PRKAB1: variants seen among roughly 807,000 people sequenced by gnomAD.
The protein encoded by PRKAB1 is protein kinase AMP-activated non-catalytic subunit beta 1.
PRKAB1 carries 18 observed loss-of-function variants against 32.0 expected under a neutral mutation model. That is an observed-to-expected ratio of 0.56 (90% confidence interval 0.39 to 0.83). PRKAB1 has a LOEUF of 0.83. Ranked by LOEUF, PRKAB1 falls within the 40% of genes least tolerant of loss-of-function variation. The probability of loss-of-function intolerance (pLI) is 0.00; values close to 1 mark genes in which losing one functional copy is unlikely to be tolerated. For synonymous variants in PRKAB1, 141 were observed against 141.4 expected (o/e 1.00, Z 0.02); for missense variants, 263 against 352.6 (o/e 0.75, Z 2.03).
intron 1 of PRKAB1, among the ~76,000 whole-genome samples, chr12:119,670,137 C>T (rs1955376745): frequency 6.6e-6 from 1 of 152,200 alleles, no homozygotes; most frequent in Admixed American, 6.5e-5. Context: ...GTGGATATTT[C>T]CAGCCGCAGG....
chr12:119,677,107 G>A (rs1484296892), intron 5 of PRKAB1, among the ~76,000 whole-genome samples: 3 of 152,220 alleles, frequency 2.0e-5, no homozygotes, highest in Non-Finnish European at 2.9e-5. Flanking sequence ...ATTATTACAT[G>A]CAGAAAAGAA....
chr12:119,676,561 C>T lies in PRKAB1; in HGVS notation c.557C>T (p.Pro186Leu). ...VSELSSSPPG[P>L]YHQEPYVCKP... ...GAGCTGTCCAGTTCTCCCCCAGGAC[C>T]CTACCATCAGGAGCCCTACGTCTGC... Residue 186 changes from proline to leucine, a missense_variant, in exon 5 of 7, where the codon CCC becomes CTC. Pro to Leu is a moderately conservative substitution (Grantham distance 98). Transcript: ENST00000229328. 6.2e-7 allele frequency: 1 copy of T among 1,613,568 alleles called. No individual in the cohort carries two copies. The highest frequency in any genetic ancestry group is 8.5e-7 in the Non-Finnish European group (1 of 1,179,604).
In PRKAB1 at chr12:119,668,267, G is replaced by T; in HGVS notation, c.23G>T (p.Arg8Leu). 1 of 1,606,728 alleles carries T rather than the reference G, an allele frequency of 6.2e-7. No individual in the cohort carries two copies. The highest frequency in any genetic ancestry group is 8.5e-7 in the Non-Finnish European group (1 of 1,177,434). ...ATCATGGGCAATACCAGCAGTGAGC[G>T]CGCCGCGCTGGAGCGGCATGGTGGC... MGNTSSE[R>L]AALERHGGHK... is the part of the protein sequence containing the mutation. The change falls in exon 1 of 7, where the codon CGC becomes CTC. Residue 8 changes from arginine (R) to leucine (L), a missense_variant. Transcript: ENST00000229328.
rs1000823190 is a variant in PRKAB1 at position 119,681,204 on chromosome 12, T to TA, written c.*883dup. The TA allele has an allele frequency of 5.9e-5, 9 of 152,260 alleles. No homozygotes were observed. Among genetic ancestry groups the TA allele is most frequent in the Non-Finnish European group, 1.3e-4 (9 of 68,040 alleles). The allele number at this position is 152,260 out of a possible 1,614,324, so 9.4% of individuals were successfully genotyped here. A position where few individuals can be genotyped will look rare whatever the true frequency, so the allele number is the denominator to read the frequency against. On this transcript the variant is annotated 3_prime_UTR_variant, in exon 7 of 7. Transcript: ENST00000229328. ...GAGAGGCACTCTGCCCTCTTCCCTA[T>TA]AAAATCACACAGCGTGATTTTACAA...
At chr12:119,671,632 C>T (rs1431179873) in intron 1 of PRKAB1, 1 of 264,408 alleles carries the variant, frequency 3.8e-6, no homozygotes, top group African/African-American at 2.2e-5. Flanking sequence ...CTGGTCCTGC[C>T]CTTGACACGT....
At chr12:119,675,074 CCCACAGGAAGAAACTA>C (rs1955413751) in intron 4 of PRKAB1, among the ~76,000 whole-genome samples, 3 of 152,312 alleles carry the variant, frequency 2.0e-5, no homozygotes, top group Admixed American at 1.3e-4. Flanking sequence ...CCCTCCAAGC[CCCACAGGAAGAAACTA>C]CCTGGAACAT....
chr12:119,680,289 GA>G lies in PRKAB1; in HGVS notation c.779del (p.Lys260SerfsTer84). On this transcript the variant is annotated frameshift_variant, in exon 7 of 7. Coordinates refer to ENST00000229328, the MANE Select transcript of PRKAB1 (RefSeq NM_006253.5). LOFTEE classifies it high-confidence loss of function. ...VLSATHRYKK[K>X]YVTTLLYKPI Reference sequence around the variant, plus strand: ...TCAGCGCAACCCACCGGTACAAGAAGAAGTACGTCACCACCTTGTTATACAA... The same window carrying G: ...TCAGCGCAACCCACCGGTACAAGAAGAGTACGTCACCACCTTGTTATACAA... 1 of 1,614,146 alleles carries G rather than the reference GA, an allele frequency of 6.2e-7. No homozygotes were observed. Among genetic ancestry groups the G allele is most frequent in the Non-Finnish European group, 8.5e-7 (1 of 1,180,026 alleles).
chr12:119,674,528 T>G lies in PRKAB1; in HGVS notation c.532+74T>G. ...CAGTCTAGACATACTCTTGTTTCTC[T>G]TGCCTCTCTTGAGCTGAAGCTGCCC... On this transcript the variant is annotated intron_variant, in intron 4 of 6. Coordinates refer to ENST00000229328, the MANE Select transcript of PRKAB1 (RefSeq NM_006253.5). The surrounding 1 kb of genome is among the most constrained non-coding windows in gnomAD (Gnocchi z 4.3). 75 of 1,110,320 alleles carry G rather than the reference T, an allele frequency of 6.8e-5. No homozygotes were observed. Among genetic ancestry groups the G allele is most frequent in the Non-Finnish European group, 9.5e-5 (72 of 760,964 alleles). The allele number at this position is 1,110,320 out of a possible 1,614,324, so 68.8% of individuals were successfully genotyped here.
Position 119,679,383 on chromosome 12 carries a change from G to C in PRKAB1, c.667-550G>C, listed in dbSNP as rs1019685250. ...TGAATTGCATTTATAACAGTTGGGG[G>C]TATACAATGAAAAAATAAATCCCGA... is the stretch of plus-strand genomic sequence containing the variant. On this transcript the variant is annotated intron_variant, in intron 5 of 6. Transcript: ENST00000229328. This position sits in a 1 kb window ranked among gnomAD's most constrained non-coding sequence, Gnocchi z 4.1. 1.3e-4 allele frequency: 21 copies of C among 158,288 alleles called. No homozygotes were observed. Among genetic ancestry groups the C allele is most frequent in the Non-Finnish European group, 2.4e-4 (17 of 71,676 alleles). 9.8% of individuals were successfully genotyped at this position (158,288 alleles called of 1,614,324 possible).
At chr12:119,676,958 C>T (rs1156365478) in intron 5 of PRKAB1, among the ~76,000 whole-genome samples, 2 of 152,138 alleles carry the variant, frequency 1.3e-5, no homozygotes, top group African/African-American at 4.8e-5. Flanking sequence ...ACTGTATCAC[C>T]ATCTCTTCTT....
At chr12:119,676,156 C>G (rs796723693) in intron 4 of PRKAB1, among the ~76,000 whole-genome samples, 1 of 152,294 alleles carries the variant, frequency 6.6e-6, no homozygotes, top group African/African-American at 2.4e-5. Flanking sequence ...CTTAGCTACT[C>G]AATCCTCACT....
rs1459750100 is a variant in PRKAB1 at position 119,680,243 on chromosome 12, CT to C, written c.736-3del. The C allele has an allele frequency of 1.2e-6, 2 of 1,613,464 alleles. No homozygotes were observed. Among genetic ancestry groups the C allele is most frequent in the Admixed American group, 3.3e-5 (2 of 59,982 alleles). Reference sequence around the variant, plus strand: ...GCCTTTGATCATTTCCACCTTGTTCCTTAGGATGGAGTGATGGTGCTCAGCG... The same window carrying C: ...GCCTTTGATCATTTCCACCTTGTTCCTAGGATGGAGTGATGGTGCTCAGCG... On this transcript the variant is annotated splice_region_variant and splice_polypyrimidine_tract_variant and intron_variant, in intron 6 of 6. Coordinates refer to ENST00000229328, the MANE Select transcript of PRKAB1 (RefSeq NM_006253.5).
At chr12:119,668,426 C>A in intron 1 of PRKAB1, 23 bp downstream of exon 1, 1 of 1,609,954 alleles carries the variant, frequency 6.2e-7, no homozygotes, top group Non-Finnish European at 8.5e-7. Context: ...TGGAGGAACC[C>A]GATTCCCCTT....
chr12:119,680,196 G>A (rs1955453586), intron 6 of PRKAB1, 52 bp from the exon 7 acceptor site: 1 of 1,564,914 alleles, frequency 6.4e-7, no homozygotes, highest in Admixed American at 1.7e-5. Context: ...CATGTCCTCT[G>A]AGGCTTGAGC....
rs771116896 is a variant in PRKAB1, at chr12:119,668,221, C to G, written c.-24C>G. Reference sequence around the variant, plus strand: ...CTGCAGTGAGGCGCCGTCCGCCTTCCCTGTGTCCCCGCAGACCCCCATCAT... The same window carrying G: ...CTGCAGTGAGGCGCCGTCCGCCTTCGCTGTGTCCCCGCAGACCCCCATCAT... On this transcript the variant is annotated 5_prime_UTR_variant, in exon 1 of 7. Transcript: ENST00000229328. 1 of 1,551,716 alleles carries G rather than the reference C, an allele frequency of 6.4e-7. No homozygotes were observed.
chr12:119,669,098 C>A lies in PRKAB1; in HGVS notation c.159+695C>A, dbSNP rs1326879943. Among the ~76,000 whole-genome samples the A allele has an allele frequency of 6.1e-5, 9 of 147,072 alleles. No individual in the cohort carries two copies. The South Asian group carries it at 2.0e-3, about 32-fold the overall frequency. On this transcript the variant is annotated intron_variant, in intron 1 of 6. Transcript: ENST00000229328. ...CGCCACTGCACTCCAGCCTGGGCGA[C>A]AGAGCTAGACTTCGTCTCAAAAAAA...
rs1955354704 is a variant in PRKAB1, at chr12:119,668,241, C to T, written c.-4C>T. The stretch of plus-strand genomic sequence containing the variant: ...CCTTCCCTGTGTCCCCGCAGACCCC[C>T]ATCATGGGCAATACCAGCAGTGAGC... On this transcript the variant is annotated 5_prime_UTR_variant, in exon 1 of 7. Coordinates refer to ENST00000229328, the MANE Select transcript of PRKAB1 (RefSeq NM_006253.5). The T allele has an allele frequency of 6.3e-7, 1 of 1,585,308 alleles. No homozygotes were observed. The highest frequency in any genetic ancestry group is 1.4e-5 in the African/African-American group (1 of 72,912).
At position 119,674,716 on chromosome 12, in the gene PRKAB1, A is replaced by G. The variant is rs368774108; in HGVS notation, c.532+262A>G. On this transcript the variant is annotated intron_variant, in intron 4 of 6. Coordinates refer to ENST00000229328, the MANE Select transcript of PRKAB1 (RefSeq NM_006253.5). The surrounding 1 kb of genome is among the most constrained non-coding windows in gnomAD (Gnocchi z 4.3). ...GAACGCAGACAGCAGAAATGGAACC[A>G]TAGCTTGATCTCGTGCCAAGGGCAG... Among the ~76,000 whole-genome samples, 22 of 152,362 alleles carry G rather than the reference A, an allele frequency of 1.4e-4. No individual in the cohort carries two copies. The highest frequency in any genetic ancestry group is 7.7e-4 in the East Asian group (4 of 5,180).
chr12:119,677,513 C>T (rs1955433951), intron 5 of PRKAB1: 1 of 152,384 alleles, frequency 6.6e-6, no homozygotes, highest in South Asian at 2.1e-4. Flanking sequence ...GCCCCTGCAG[C>T]TGGGTAGCCA....
Sources: gnomAD v4.1 joint callset for allele counts (sites outside exome capture counted in the v4.1 genomes callset) on GRCh38, gnomAD v4.1.1 for gene constraint, Gnocchi (gnomAD v3.1) non-coding constraint, MANE v1.5 for transcripts, NCBI Gene and HGNC (gene_info 2026-07-23, HGNC 2026-07-21) for gene names.